NFIC: variants seen among roughly 807,000 people sequenced by gnomAD.
NFIC encodes nuclear factor I C.
NFIC carries 12 observed loss-of-function variants against 54.4 expected under a neutral mutation model. That is an observed-to-expected ratio of 0.22 (90% CI 0.14 to 0.36). The LOEUF is 0.36. Ranked by LOEUF, NFIC falls within the 10% of genes least tolerant of loss-of-function variation. The probability of loss-of-function intolerance (pLI) is 1.00; values close to 1 mark genes in which losing one functional copy is unlikely to be tolerated. For missense variants in NFIC, 575 were observed against 718.2 expected (o/e 0.80, Z 2.28); for synonymous variants, 322 against 319.2 (o/e 1.01, Z -0.09).
chr19:3,397,035 C>T (rs144552255), intron 2 of NFIC, among the ~76,000 whole-genome samples: 2 of 152,116 alleles, frequency 1.3e-5, no homozygotes, highest in Non-Finnish European at 2.9e-5. Flanking sequence ...TGTCTGCATG[C>T]GTGTCTGGGG....
chr19:3,373,986 G>A (rs2145446815), intron 1 of NFIC, among the ~76,000 whole-genome samples: 1 of 152,324 alleles, frequency 6.6e-6, no homozygotes, highest in Non-Finnish European at 1.5e-5. Context: ...GGTTGTCCGT[G>A]GGACCATGGA....
chr19:3,439,655 C>T (rs2082261385), intron 6 of NFIC, among the ~76,000 whole-genome samples: 1 of 150,740 alleles, frequency 6.6e-6, no homozygotes, highest in South Asian at 2.1e-4. Flanking sequence ...AAAACTCTGC[C>T]TTGATATCCC....
At chr19:3,361,877 G>T (rs1362282384), upstream of NFIC, among the ~76,000 whole-genome samples, 3 of 151,960 alleles carry the variant, frequency 2.0e-5, no homozygotes, top group Non-Finnish European at 2.9e-5. Flanking sequence ...ACTCCCTCAC[G>T]GTGCCTGTGT....
chr19:3,370,677 C>A lies in NFIC; in HGVS notation c.30+4011C>A, dbSNP rs2080989795. Among the ~76,000 whole-genome samples, 1 of 110,798 alleles carries A rather than the reference C, an allele frequency of 9.0e-6. No homozygotes were observed. The highest frequency in any genetic ancestry group is 3.2e-4 in the East Asian group (1 of 3,126). 72.7% of individuals were successfully genotyped at this position (110,798 alleles called of 152,430 possible). On this transcript the variant is annotated intron_variant, in intron 1 of 10. Transcript: ENST00000443272. The surrounding 1 kb of genome is among the most constrained non-coding windows in gnomAD (Gnocchi z 5.2). The stretch of plus-strand genomic sequence containing the variant: ...TCCCTCCCTACCTCCCTCTCTGTTC[C>A]TCTTCTTTCTCTCTGTCTGTCTCTT...
Position 3,382,161 on chromosome 19 carries a change from G to A in NFIC, c.480G>A (p.Pro160=), listed in dbSNP as rs911779799. 4 of 1,612,882 alleles carry A rather than the reference G, an allele frequency of 2.5e-6. No homozygotes were observed. Among genetic ancestry groups the A allele is most frequent in the Non-Finnish European group, 2.5e-6 (3 of 1,179,946 alleles). The change falls in exon 2 of 11, where the codon CCG becomes CCA. Residue 160 remains proline, a synonymous_variant. Coordinates refer to ENST00000443272, the MANE Select transcript of NFIC (RefSeq NM_001245002.2). Reference sequence around the variant, plus strand: ...TCAAGGCTGCGCAGTGCGGTCACCCGGTCCTGTGCGTGCAGCCGCACCACA... The same window carrying A: ...TCAAGGCTGCGCAGTGCGGTCACCCAGTCCTGTGCGTGCAGCCGCACCACA... ...RLVKAAQCGH[P]VLCVQPHHIG...
chr19:3,433,429 C>T (rs2082152266), intron 3 of NFIC, 89 bp from the exon 4 acceptor site: 20 of 1,420,584 alleles, frequency 1.4e-5, no homozygotes, highest in Non-Finnish European at 2.0e-5. Flanking sequence ...AGGCTCGGGC[C>T]AGCCCCCAGG....
intron 2 of NFIC, among the ~76,000 whole-genome samples, chr19:3,391,635 A>G (rs1599599951): frequency 6.6e-6 from 1 of 152,176 alleles, no homozygotes; most frequent in East Asian, 1.9e-4. Flanking sequence ...CGTCTCTACT[A>G]AAAATACAAA....
At chr19:3,420,978 C>T (rs1270468639) in intron 2 of NFIC, among the ~76,000 whole-genome samples, 1 of 152,192 alleles carries the variant, frequency 6.6e-6, no homozygotes, top group East Asian at 1.9e-4. Flanking sequence ...CCACGTTGGC[C>T]TCCCATAGTG....
Position 3,456,544 on chromosome 19 carries a change from C to G in NFIC, c.1424-6C>G. 1 of 1,551,732 alleles carries G rather than the reference C, an allele frequency of 6.4e-7. No homozygotes were observed. The highest frequency in any genetic ancestry group is 8.7e-7 in the Non-Finnish European group (1 of 1,146,968). ...AACGGGCTCTCGGTCTCTCTCCTCC[C>G]TGCAGCCTACTCTCCGCCCGACACG... On this transcript the variant is annotated splice_region_variant and splice_polypyrimidine_tract_variant and intron_variant, in intron 9 of 10. Transcript: ENST00000443272.
intron 3 of NFIC, among the ~76,000 whole-genome samples, chr19:3,431,468 G>C (rs1000602546): frequency 7.0e-6 from 1 of 142,330 alleles, no homozygotes; most frequent in African/African-American, 2.6e-5. Flanking sequence ...TCCAGGGCTC[G>C]AGCTATCCTC....
upstream of NFIC, chr19:3,366,533 G>C: frequency 1.8e-6 from 1 of 543,830 alleles, no homozygotes; most frequent in Non-Finnish European, 2.8e-6. Flanking sequence ...CGGCCGCGGG[G>C]CGGGGGGGGG....
At chr19:3,446,981 G>A (rs1472007975) in intron 6 of NFIC, among the ~76,000 whole-genome samples, 4 of 152,186 alleles carry the variant, frequency 2.6e-5, no homozygotes, top group South Asian at 4.2e-4. Context: ...AGCCATGATC[G>A]TGCCTCTGCA....
chr19:3,371,942 T>C (rs1197957342), intron 1 of NFIC, among the ~76,000 whole-genome samples: 3 of 115,690 alleles, frequency 2.6e-5, no homozygotes, highest in African/African-American at 1.1e-4. Flanking sequence ...CTTCCTTCCC[T>C]CCCTCCCTCC....
chr19:3,406,907 A>G (rs1380919824), intron 2 of NFIC, among the ~76,000 whole-genome samples: 1 of 152,094 alleles, frequency 6.6e-6, no homozygotes, highest in African/African-American at 2.4e-5. Flanking sequence ...AGCAGTGTGC[A>G]CAGCCCGTGC....
intron 2 of NFIC, among the ~76,000 whole-genome samples, chr19:3,405,789 A>AC (rs2081639140): frequency 6.6e-6 from 1 of 151,922 alleles, no homozygotes; most frequent in Admixed American, 6.6e-5. Context: ...TTTAGTAGAG[A>AC]CAGGGGTCTC....
intron 3 of NFIC, among the ~76,000 whole-genome samples, chr19:3,428,362 T>C (rs894237779): frequency 6.7e-6 from 1 of 148,966 alleles, no homozygotes; most frequent in African/African-American, 2.5e-5. Context: ...CGCAGGAGAA[T>C]TGCTTGAACC....
At chr19:3,435,015 G>A (rs1599683025) in intron 5 of NFIC, 68 bp from the exon 6 acceptor site, 1 of 1,481,738 alleles carries the variant, frequency 6.7e-7, no homozygotes, top group Admixed American at 2.2e-5. Flanking sequence ...AAGTAGCAAA[G>A]CCCGCCGTCG....
chr19:3,424,137 C>T (rs2081992556), intron 2 of NFIC, among the ~76,000 whole-genome samples: 1 of 151,994 alleles, frequency 6.6e-6, no homozygotes, highest in Non-Finnish European at 1.5e-5. Context: ...AAGCGATTCT[C>T]CTGACTCAGC....
At chr19:3,436,868 T>C (rs1288042116) in intron 6 of NFIC, among the ~76,000 whole-genome samples, 9 of 152,158 alleles carry the variant, frequency 5.9e-5, no homozygotes, top group African/African-American at 1.7e-4. Context: ...GCCCTGCCCG[T>C]GTCTAGCTCT....
Sources: allele counts gnomAD v4.1 joint callset (sites outside exome capture counted in the v4.1 genomes callset), GRCh38; gene constraint gnomAD v4.1.1; non-coding constraint Gnocchi (gnomAD v3.1); transcripts MANE v1.5; gene names NCBI Gene and HGNC (gene_info 2026-07-23, HGNC 2026-07-21).